The following MED15 variants were observed in gnomAD, a reference collection of about 807,000 sequenced individuals.
The protein encoded by MED15 is mediator of RNA polymerase II transcription subunit 15.
In MED15, 41 loss-of-function variants were observed where a neutral mutation model predicts 118.7. That is an observed-to-expected ratio of 0.35 (90% CI 0.27 to 0.45). The LOEUF is 0.45. Ranked by LOEUF, MED15 falls within the 20% of genes least tolerant of loss-of-function variation. MED15 has a pLI of 1.00. For synonymous variants in MED15, 436 were observed against 413.9 expected, an observed-to-expected ratio of 1.05 and a Z score of -0.65; for missense variants, 740 against 1,025.5, an observed-to-expected ratio of 0.72 and a Z score of 3.80.
Position 20,507,626 on chromosome 22 carries a change from CGGCGGCGGTGGCGGCCAAGCGGGATACG to C in MED15, c.-44_-17del. The C allele has an allele frequency of 6.2e-7, 1 of 1,605,588 alleles. No individual in the cohort carries two copies. The highest frequency in any genetic ancestry group is 8.5e-7 in the Non-Finnish European group (1 of 1,172,624). On this transcript the variant is annotated 5_prime_UTR_variant, in exon 1 of 18. Coordinates refer to ENST00000263205, the MANE Select transcript of MED15 (RefSeq NM_001003891.3). Reference sequence around the variant, plus strand: ...TTTGGGCCTGGCTCTGTGACTGAGGCGGCGGCGGTGGCGGCCAAGCGGGATACGGGCGGCGGGAGCTGGGGAACAGGCA... The same window carrying C: ...TTTGGGCCTGGCTCTGTGACTGAGGCGGCGGCGGGAGCTGGGGAACAGGCA...
At chr22:20,514,073 C>T (rs565434671) in intron 1 of MED15, among the ~76,000 whole-genome samples, 65 of 152,130 alleles carry the variant, frequency 4.3e-4, no homozygotes, top group African/African-American at 1.4e-3. Context: ...ACCATGTCTC[C>T]CAGGCTGGTC....
intron 5 of MED15, among the ~76,000 whole-genome samples, chr22:20,556,536 G>A (rs920856040): frequency 2.0e-5 from 3 of 152,116 alleles, no homozygotes; most frequent in African/African-American, 4.8e-5. Flanking sequence ...CTGACCTCAA[G>A]TGATCTTCTC....
chr22:20,561,094 T>C (rs905670721), intron 5 of MED15, among the ~76,000 whole-genome samples: 3 of 151,990 alleles, frequency 2.0e-5, no homozygotes, highest in African/African-American at 4.8e-5. Flanking sequence ...AAATTATTGC[T>C]AAAACAATGG....
rs368214421 is a variant in MED15, at chr22:20,564,559, G to A, written c.561G>A (p.Gln187=). ...AGCAGCAGCAGCAGCAGCAACAGCA[G>A]CAGTTCCAGGCTCAGCAGAGTGCCA... ...LQQQQQQQQQ[Q]QFQAQQSAMQ... is the part of the protein sequence containing the mutation. The change falls in exon 6 of 18, where the codon CAG becomes CAA. Residue 187 remains glutamine, a synonymous_variant. Coordinates refer to ENST00000263205, the MANE Select transcript of MED15 (RefSeq NM_001003891.3). The A allele has an allele frequency of 2.5e-6, 4 of 1,606,574 alleles. No homozygotes were observed. The African/African-American group carries it at 4.0e-5, about 16-fold the overall frequency.
At chr22:20,537,549 T>A (rs917495825) in intron 2 of MED15, among the ~76,000 whole-genome samples, 1 of 152,150 alleles carries the variant, frequency 6.6e-6, no homozygotes, top group African/African-American at 2.4e-5. Context: ...TGGTTTGTCC[T>A]CAGCCCCTCC....
chr22:20,531,076 G>C (rs978196139), intron 1 of MED15, among the ~76,000 whole-genome samples: 7 of 152,204 alleles, frequency 4.6e-5, no homozygotes, highest in African/African-American at 1.7e-4. Context: ...GCAAAGGAAG[G>C]ATAGGGAGGC....
At chr22:20,528,187 G>A (rs1167219402) in intron 1 of MED15, among the ~76,000 whole-genome samples, 2 of 152,120 alleles carry the variant, frequency 1.3e-5, no homozygotes, top group African/African-American at 2.4e-5. Context: ...CTCTGAGAGG[G>A]ACCCTCCAAA....
intron 5 of MED15, among the ~76,000 whole-genome samples, chr22:20,558,595 TCTC>T (rs1414376127): frequency 1.3e-5 from 2 of 152,164 alleles, no homozygotes; most frequent in Non-Finnish European, 2.9e-5. Flanking sequence ...GAGGACATGT[TCTC>T]CTCCTGGATA....
chr22:20,528,103 G>A (rs1002246689), intron 1 of MED15, among the ~76,000 whole-genome samples: 4 of 151,960 alleles, frequency 2.6e-5, no homozygotes, highest in African/African-American at 9.7e-5. Context: ...TTCTGTTACC[G>A]CTAAATTACT....
chr22:20,560,010 T>A (rs1428534749), intron 5 of MED15, among the ~76,000 whole-genome samples: 1 of 152,168 alleles, frequency 6.6e-6, no homozygotes, highest in African/African-American at 2.4e-5. Context: ...TGACAATGTC[T>A]GGAGACATTT....
chr22:20,536,997 G>A (rs752836790), intron 1 of MED15, 120 bp from the exon 2 acceptor site: 6 of 800,396 alleles, frequency 7.5e-6, no homozygotes, highest in Admixed American at 2.7e-5. Context: ...AGCCAGGCTG[G>A]TGTGCTGGCG....
At chr22:20,535,686 A>G (rs2055041857) in intron 1 of MED15, among the ~76,000 whole-genome samples, 1 of 144,296 alleles carries the variant, frequency 6.9e-6, no homozygotes, top group South Asian at 2.2e-4. Flanking sequence ...CAGCCTCCCG[A>G]GTAGCTGGGA....
rs555086815 is a variant in MED15 at position 20,540,953 on chromosome 22, G to A, written c.156+3749G>A. On this transcript the variant is annotated intron_variant, in intron 2 of 17. Coordinates refer to ENST00000263205, the MANE Select transcript of MED15 (RefSeq NM_001003891.3). ...TAAAAAATAGGCAAAATACAGCCAG[G>A]CGCGGTGGCTCACACCTGTAATCCC... 2.9e-3 allele frequency among the ~76,000 whole-genome samples: 434 copies of A among 152,192 alleles called. 2 individuals carry two copies. The highest frequency in any genetic ancestry group is 3.5e-3 in the Non-Finnish European group (241 of 68,014).
At chr22:20,558,380 CA>C (rs2056101186) in intron 5 of MED15, among the ~76,000 whole-genome samples, 1 of 151,980 alleles carries the variant, frequency 6.6e-6, no homozygotes, top group African/African-American at 2.4e-5. Flanking sequence ...GGCCAGGGGA[CA>C]TTGTGATAGT....
Position 20,566,465 on chromosome 22 carries a change from A to G in MED15, c.691-2A>G. On this transcript the variant is annotated splice_acceptor_variant, in intron 6 of 17. Coordinates refer to ENST00000263205, the MANE Select transcript of MED15 (RefSeq NM_001003891.3). LOFTEE classifies it high-confidence loss of function. ...ACCGAGTGCTGCTTGTTCTGTCTCT[A>G]GATACAGCAGCAGCAACAGCAGCTG... 3.1e-6 allele frequency: 5 copies of G among 1,611,986 alleles called. No homozygotes were observed. The highest frequency in any genetic ancestry group is 4.2e-6 in the Non-Finnish European group (5 of 1,179,980).
At chr22:20,536,432 C>A (rs983908748) in intron 1 of MED15, among the ~76,000 whole-genome samples, 1 of 152,312 alleles carries the variant, frequency 6.6e-6, no homozygotes, top group East Asian at 1.9e-4. Context: ...TCTTTATCCC[C>A]GTGGAGCAGC....
At chr22:20,555,885 CT>C (rs1285648406) in intron 5 of MED15, among the ~76,000 whole-genome samples, 1 of 152,172 alleles carries the variant, frequency 6.6e-6, no homozygotes, top group Admixed American at 6.5e-5. Context: ...CCGCGCCCGG[CT>C]AATATTTTGT....
intron 8 of MED15, among the ~76,000 whole-genome samples, chr22:20,570,215 T>C (rs2056594819): frequency 1.3e-5 from 2 of 151,042 alleles, no homozygotes; most frequent in Admixed American, 6.6e-5. Flanking sequence ...AGTAGAGACA[T>C]GGTTTCATCA....
intron 1 of MED15, among the ~76,000 whole-genome samples, chr22:20,518,053 G>A (rs1293845006): frequency 6.6e-6 from 1 of 152,208 alleles, no homozygotes; most frequent in Non-Finnish European, 1.5e-5. Flanking sequence ...TGCAGGTGAT[G>A]GGCTCTGTGC....
Sources: allele counts gnomAD v4.1 joint callset (sites outside exome capture counted in the v4.1 genomes callset), GRCh38; gene constraint gnomAD v4.1.1; transcripts MANE v1.5; gene names NCBI Gene and HGNC (gene_info 2026-07-23, HGNC 2026-07-21).